Variants in CAMK1D observed in about 807,000 individuals in gnomAD.
The protein encoded by CAMK1D is calcium/calmodulin dependent protein kinase ID.
CAMK1D carries 9 observed loss-of-function variants against 47.7 expected under a neutral mutation model. The ratio of observed to expected loss-of-function variants is 0.19; its 90% CI spans 0.11 to 0.33. The LOEUF (loss-of-function observed/expected upper bound fraction) is 0.33. Ranked by LOEUF, CAMK1D falls within the 10% of genes least tolerant of loss-of-function variation. CAMK1D has a pLI of 1.00. For synonymous variants in CAMK1D, 184 were observed against 184.9 expected (o/e 0.99, Z 0.04); for missense variants, 291 against 488.7 (o/e 0.60, Z 3.81).
intron 1 of CAMK1D, among the ~76,000 whole-genome samples, chr10:12,427,700 G>GTTTTTTTTTGTTTTTTTTTTTTTTTTTTT (rs1840286114): frequency 3.2e-5 from 1 of 31,030 alleles, no homozygotes; most frequent in East Asian, 9.9e-4. Context: ...TGAACTTACT[G>GTTTTTTTTTGTTTTTTTTTTTTTTTTTTT]TTTTTTTTTT....
chr10:12,757,745 C>T (rs559929217), intron 3 of CAMK1D, among the ~76,000 whole-genome samples: 1 of 152,096 alleles, frequency 6.6e-6, no homozygotes, highest in East Asian at 1.9e-4. Context: ...GGGCTCCATT[C>T]CTGCCTTGGA....
intron 2 of CAMK1D, among the ~76,000 whole-genome samples, chr10:12,665,037 T>C (rs1478148331): frequency 6.6e-6 from 1 of 152,230 alleles, no homozygotes; most frequent in African/African-American, 2.4e-5. Context: ...TTGTAGGATC[T>C]TGGTAGTCTC....
At chr10:12,489,325 A>G (rs1330253610) in intron 1 of CAMK1D, among the ~76,000 whole-genome samples, 1 of 152,288 alleles carries the variant, frequency 6.6e-6, no homozygotes, top group Admixed American at 6.5e-5. Flanking sequence ...GCCTGAGAAC[A>G]TGTGCTTAGA....
At chr10:12,498,759 C>T (rs1564374279) in intron 1 of CAMK1D, among the ~76,000 whole-genome samples, 1 of 152,130 alleles carries the variant, frequency 6.6e-6, no homozygotes, top group African/African-American at 2.4e-5. Flanking sequence ...ATCTTCAGAC[C>T]TTGGGGCCCC....
At chr10:12,642,048 T>TAAAAAA (rs34344996) in intron 2 of CAMK1D, among the ~76,000 whole-genome samples, 1 of 133,292 alleles carries the variant, frequency 7.5e-6, no homozygotes, top group African/African-American at 2.8e-5. Context: ...TTTCTCAGAA[T>TAAAAAA]AAAAAAAAAA....
At chr10:12,398,712 T>C (rs1404784572) in intron 1 of CAMK1D, among the ~76,000 whole-genome samples, 2 of 152,202 alleles carry the variant, frequency 1.3e-5, no homozygotes, top group African/African-American at 4.8e-5. Context: ...AAAGATATTA[T>C]AAATTTTGAT....
At chr10:12,460,720 G>T (rs925645144) in intron 1 of CAMK1D, among the ~76,000 whole-genome samples, 1 of 151,156 alleles carries the variant, frequency 6.6e-6, no homozygotes, top group Non-Finnish European at 1.5e-5. Context: ...GAGACACTGC[G>T]CCCAACCCTA....
chr10:12,824,409 G>A (rs1833124632), intron 8 of CAMK1D, 56 bp from the exon 9 acceptor site: 9 of 1,453,254 alleles, frequency 6.2e-6, no homozygotes, highest in Middle Eastern at 1.9e-4. Context: ...TTTATGGGAC[G>A]CAGTGTCAGG....
At chr10:12,399,940 A>G (rs1263225334) in intron 1 of CAMK1D, among the ~76,000 whole-genome samples, 2 of 152,224 alleles carry the variant, frequency 1.3e-5, no homozygotes, top group Non-Finnish European at 2.9e-5. Flanking sequence ...AGAAACACAC[A>G]TAAAGCAAAG....
At chr10:12,538,213 A>T (rs1836041930) in intron 1 of CAMK1D, among the ~76,000 whole-genome samples, 1 of 152,224 alleles carries the variant, frequency 6.6e-6, no homozygotes, top group South Asian at 2.1e-4. Context: ...TTCAAAATCC[A>T]GTAAAGAAAC....
At chr10:12,528,676 A>T (rs1248738591) in intron 1 of CAMK1D, among the ~76,000 whole-genome samples, 1 of 151,524 alleles carries the variant, frequency 6.6e-6, no homozygotes, top group Non-Finnish European at 1.5e-5. Context: ...ATGATTTGTG[A>T]GTGTCAGATG....
chr10:12,512,602 G>A (rs1444486197), intron 1 of CAMK1D, among the ~76,000 whole-genome samples: 1 of 152,094 alleles, frequency 6.6e-6, no homozygotes, highest in Non-Finnish European at 1.5e-5. Flanking sequence ...GCTTCACTTT[G>A]GCTTCCAGGA....
At chr10:12,463,000 C>T (rs558106189) in intron 1 of CAMK1D, among the ~76,000 whole-genome samples, 5 of 152,298 alleles carry the variant, frequency 3.3e-5, no homozygotes, top group Admixed American at 1.3e-4. Context: ...TGAGCATATG[C>T]CAGAGAATAA....
At chr10:12,645,093 T>G (rs1470238326) in intron 2 of CAMK1D, among the ~76,000 whole-genome samples, 1 of 152,134 alleles carries the variant, frequency 6.6e-6, no homozygotes, top group Admixed American at 6.5e-5. Context: ...ATTCATATCC[T>G]CCTCTGCCTT....
chr10:12,747,005 GT>G (rs373542268), intron 3 of CAMK1D, among the ~76,000 whole-genome samples: 1,611 of 149,050 alleles, frequency 0.011, 14 homozygotes, highest in South Asian at 0.016. Flanking sequence ...AGAAAGAGTT[GT>G]TTTTTTTTTA....
intron 8 of CAMK1D, among the ~76,000 whole-genome samples, chr10:12,818,989 T>C (rs904224245): frequency 6.6e-6 from 1 of 152,214 alleles, no homozygotes; most frequent in Non-Finnish European, 1.5e-5. Context: ...GTAAGACTTT[T>C]GAGATTTATC....
intron 3 of CAMK1D, among the ~76,000 whole-genome samples, chr10:12,728,107 C>T (rs532080307): frequency 6.6e-6 from 1 of 152,290 alleles, no homozygotes; most frequent in South Asian, 2.1e-4. Flanking sequence ...TCAAAGGCTT[C>T]CCTGTGAGTA....
At chr10:12,376,488 G>T (rs1415826806) in intron 1 of CAMK1D, among the ~76,000 whole-genome samples, 4 of 152,102 alleles carry the variant, frequency 2.6e-5, no homozygotes, top group African/African-American at 9.7e-5. Context: ...CTCCACCACC[G>T]GCCAGTGGTC....
rs534375993 is a variant in CAMK1D, at chr10:12,634,738, G to A, written c.225-31998G>A. ...TTCACAACCTTGTAGCTAGAGTCCG[G>A]TGCAGCTTTTCTTCCTGCCGGCCCA... On this transcript the variant is annotated intron_variant, in intron 2 of 10. Coordinates refer to ENST00000619168, the MANE Select transcript of CAMK1D (RefSeq NM_153498.4). Among the ~76,000 whole-genome samples, 56 of 152,154 alleles carry A rather than the reference G, an allele frequency of 3.7e-4. 1 individual carries two copies. The highest frequency in any genetic ancestry group is 6.8e-4 in the Non-Finnish European group (46 of 67,996).
Sources: gnomAD v4.1 joint callset for allele counts (sites outside exome capture counted in the v4.1 genomes callset) on GRCh38, gnomAD v4.1.1 for gene constraint, MANE v1.5 for transcripts, NCBI Gene and HGNC (gene_info 2026-07-23, HGNC 2026-07-21) for gene names.